The following CSMD1 variants were observed in gnomAD, a reference collection of about 807,000 sequenced individuals.
The protein encoded by CSMD1 is CUB and Sushi multiple domains 1, also known as CUB and sushi domain-containing protein 1.
In CSMD1, 213 loss-of-function variants were observed where a neutral mutation model predicts 417.5. The ratio of observed to expected loss-of-function variants is 0.51; its 90% CI spans 0.46 to 0.57. CSMD1 has a LOEUF of 0.57. CSMD1 is among the 20% of genes least tolerant of loss of function. The pLI, the probability that CSMD1 is intolerant of heterozygous loss-of-function variation, is 0.00. For synonymous variants in CSMD1, 2,862 were observed against 1,736.8 expected (o/e 1.65, Z -16.11); for missense variants, 6,923 against 4,529.7 (o/e 1.53, Z -15.17).
intron 3 of CSMD1, among the ~76,000 whole-genome samples, chr8:4,164,446 C>A (rs913841604): frequency 6.6e-6 from 1 of 152,064 alleles, no homozygotes; most frequent in Admixed American, 6.6e-5. Flanking sequence ...TCTGAAACAG[C>A]CTGGCATGCT....
At chr8:3,196,505 C>T (rs191299627) in intron 33 of CSMD1, among the ~76,000 whole-genome samples, 9 of 152,114 alleles carry the variant, frequency 5.9e-5, no homozygotes, top group African/African-American at 1.2e-4. Context: ...GGTCTGGATC[C>T]GCACCCCTTT....
At chr8:3,118,698 G>T (rs978291186) in intron 41 of CSMD1, 111 bp from the exon 42 acceptor site, 3 of 872,498 alleles carry the variant, frequency 3.4e-6, no homozygotes, top group Non-Finnish European at 5.3e-6. Context: ...TGTTGGATAA[G>T]TTTAATAAGG....
chr8:3,310,352 G>A (rs762188298), intron 23 of CSMD1, among the ~76,000 whole-genome samples: 7 of 149,682 alleles, frequency 4.7e-5, no homozygotes, highest in Admixed American at 1.3e-4. Flanking sequence ...CTGGGTTTGC[G>A]GGTTTGGAAG....
chr8:3,499,934 C>G (rs116431612), intron 10 of CSMD1, among the ~76,000 whole-genome samples: 2 of 152,040 alleles, frequency 1.3e-5, no homozygotes, highest in African/African-American at 4.8e-5. Flanking sequence ...GTTCTCTCCC[C>G]GGAGCAAAAC....
chr8:3,198,275 T>G (rs1322483569), intron 33 of CSMD1, among the ~76,000 whole-genome samples: 1 of 152,184 alleles, frequency 6.6e-6, no homozygotes, highest in Non-Finnish European at 1.5e-5. Flanking sequence ...GCAGACAAGG[T>G]CAGTCACTTT....
At chr8:3,779,966 T>C (rs1222985293) in intron 5 of CSMD1, among the ~76,000 whole-genome samples, 3 of 152,350 alleles carry the variant, frequency 2.0e-5, no homozygotes, top group East Asian at 1.9e-4. Context: ...AAAGCTTAAA[T>C]CAACCAAAAG....
chr8:4,733,673 C>G (rs1298560117), intron 1 of CSMD1, among the ~76,000 whole-genome samples: 1 of 152,200 alleles, frequency 6.6e-6, no homozygotes, highest in African/African-American at 2.4e-5. Flanking sequence ...GTATTTTGTT[C>G]ACTGACTACC....
intron 3 of CSMD1, among the ~76,000 whole-genome samples, chr8:4,361,296 TAAAG>T (rs1379319550): frequency 7.9e-5 from 12 of 152,154 alleles, no homozygotes; most frequent in East Asian, 7.7e-4. Context: ...TAATACAAGA[TAAAG>T]AAACTTATTT....
At chr8:4,752,053 A>G (rs1811367480) in intron 1 of CSMD1, among the ~76,000 whole-genome samples, 1 of 151,780 alleles carries the variant, frequency 6.6e-6, no homozygotes, top group African/African-American at 2.4e-5. Flanking sequence ...CTGTGTATAT[A>G]TTAATACAAA....
intron 15 of CSMD1, among the ~76,000 whole-genome samples, chr8:3,404,534 G>A (rs920307627): frequency 6.6e-6 from 1 of 152,000 alleles, no homozygotes; most frequent in Non-Finnish European, 1.5e-5. Context: ...GTCTGAGAAT[G>A]TTATTCCGAG....
At chr8:4,955,637 A>G (rs1178323411) in intron 1 of CSMD1, among the ~76,000 whole-genome samples, 1 of 151,886 alleles carries the variant, frequency 6.6e-6, no homozygotes, top group African/African-American at 2.4e-5. Flanking sequence ...TGTATTTTTA[A>G]TAGAGACGGG....
intron 2 of CSMD1, among the ~76,000 whole-genome samples, chr8:4,590,225 A>C (rs1429095374): frequency 1.3e-5 from 2 of 152,078 alleles, no homozygotes; most frequent in African/African-American, 4.8e-5. Flanking sequence ...TATGTGTTAC[A>C]AGAGTAGTGT....
chr8:4,265,961 C>A lies in CSMD1; in HGVS notation c.415+153992G>T, dbSNP rs1297891658. ...CCAGGAGACGGGGAACCATGGCCCCCACTGTATTCCATGCCTACTTTGTGT... is the reference window on the plus strand; with the variant it reads ...CCAGGAGACGGGGAACCATGGCCCCAACTGTATTCCATGCCTACTTTGTGT... On this transcript the variant is annotated intron_variant, in intron 3 of 69. Transcript: ENST00000635120. 1.6e-4 allele frequency among the ~76,000 whole-genome samples: 16 copies of A among 103,200 alleles called. 1 individual carries two copies. Among genetic ancestry groups the A allele is most frequent in the African/African-American group, 4.0e-4 (15 of 37,898 alleles). The allele number at this position is 103,200 out of a possible 152,430, so 67.7% of individuals were successfully genotyped here.
chr8:4,228,539 C>A (rs935076007), intron 3 of CSMD1, among the ~76,000 whole-genome samples: 6 of 151,904 alleles, frequency 3.9e-5, no homozygotes, highest in African/African-American at 1.5e-4. Flanking sequence ...TCTTCTACAA[C>A]CCACTGGCTG....
intron 26 of CSMD1, among the ~76,000 whole-genome samples, chr8:3,254,450 G>A (rs1220351754): frequency 6.6e-6 from 1 of 152,086 alleles, no homozygotes; most frequent in East Asian, 1.9e-4. Context: ...AGTTCTCCTG[G>A]TTTATATCCT....
At chr8:4,453,212 C>A (rs994042043) in intron 2 of CSMD1, among the ~76,000 whole-genome samples, 3 of 100,456 alleles carry the variant, frequency 3.0e-5, no homozygotes, top group Non-Finnish European at 4.4e-5. Flanking sequence ...CAGACACACA[C>A]AGAGACACAC....
chr8:3,583,689 T>G (rs1800478108), intron 9 of CSMD1, among the ~76,000 whole-genome samples: 1 of 152,034 alleles, frequency 6.6e-6, no homozygotes, highest in African/African-American at 2.4e-5. Flanking sequence ...CTTCTCAGCC[T>G]CTGCAGATGG....
At chr8:3,197,147 CATT>C (rs1489811877) in intron 33 of CSMD1, among the ~76,000 whole-genome samples, 2 of 152,194 alleles carry the variant, frequency 1.3e-5, no homozygotes, top group African/African-American at 2.4e-5. Flanking sequence ...GTAACATCAT[CATT>C]AATTCTGTCT....
intron 3 of CSMD1, among the ~76,000 whole-genome samples, chr8:4,075,589 C>G (rs1049726475): frequency 6.6e-6 from 1 of 152,196 alleles, no homozygotes; most frequent in Non-Finnish European, 1.5e-5. Context: ...TAATTTATTC[C>G]TTGTTCTGCA....
Sources: gnomAD v4.1 joint callset for allele counts (sites outside exome capture counted in the v4.1 genomes callset) on GRCh38, gnomAD v4.1.1 for gene constraint, MANE v1.5 for transcripts, NCBI Gene and HGNC (gene_info 2026-07-23, HGNC 2026-07-21) for gene names.